RAP1GDS1: variants seen among roughly 807,000 people sequenced by gnomAD.
RAP1GDS1 encodes Rap1 GTPase-GDP dissociation stimulator 1.
In RAP1GDS1, 35 loss-of-function variants were observed where a neutral mutation model predicts 71.1. The ratio of observed to expected loss-of-function variants is 0.49; its 90% CI spans 0.38 to 0.65. The LOEUF (loss-of-function observed/expected upper bound fraction) is 0.65, where lower values mean the gene tolerates loss of function less well. Ranked by LOEUF, RAP1GDS1 falls within the 30% of genes least tolerant of loss-of-function variation. The pLI is 0.00. For synonymous variants in RAP1GDS1, 229 were observed against 243.1 expected, an observed-to-expected ratio of 0.94 and a Z score of 0.54; for missense variants, 663 against 706.1, an observed-to-expected ratio of 0.94 and a Z score of 0.69.
intron 1 of RAP1GDS1, among the ~76,000 whole-genome samples, chr4:98,287,078 A>G (rs1176474212): frequency 6.6e-6 from 1 of 152,108 alleles, no homozygotes; most frequent in Non-Finnish European, 1.5e-5. Flanking sequence ...TGCCAGTGCA[A>G]GTAACTCAAA....
At chr4:98,275,930 C>T (rs140217428) in intron 1 of RAP1GDS1, among the ~76,000 whole-genome samples, 1 of 152,288 alleles carries the variant, frequency 6.6e-6, no homozygotes, top group African/African-American at 2.4e-5. Flanking sequence ...GATGTTCTTT[C>T]CCCTGGCATC....
intron 14 of RAP1GDS1, among the ~76,000 whole-genome samples, chr4:98,437,674 T>C (rs1271942665): frequency 6.6e-6 from 1 of 151,668 alleles, no homozygotes; most frequent in African/African-American, 2.4e-5. Flanking sequence ...ACGCCTGTAG[T>C]CCCAGCTACT....
At chr4:98,339,788 C>G (rs920159308) in intron 2 of RAP1GDS1, among the ~76,000 whole-genome samples, 6 of 152,214 alleles carry the variant, frequency 3.9e-5, no homozygotes, top group African/African-American at 1.4e-4. Context: ...GCTGGAATAG[C>G]TATTATTAAA....
intron 1 of RAP1GDS1, among the ~76,000 whole-genome samples, chr4:98,266,417 G>A (rs530450150): frequency 6.6e-6 from 1 of 151,974 alleles, no homozygotes; most frequent in Admixed American, 6.6e-5. Context: ...TAGATTATAG[G>A]TATGCTTCTA....
At chr4:98,352,728 C>CCTG in intron 4 of RAP1GDS1, 127 bp downstream of exon 4, 1 of 862,878 alleles carries the variant, frequency 1.2e-6, no homozygotes, top group Admixed American at 3.5e-5. Context: ...TGATTCAGCA[C>CCTG]TGCTTATTTA....
intron 1 of RAP1GDS1, among the ~76,000 whole-genome samples, chr4:98,284,927 A>C (rs1371603157): frequency 6.6e-6 from 1 of 152,148 alleles, no homozygotes; most frequent in South Asian, 2.1e-4. Flanking sequence ...AGATCATGCC[A>C]GCTTCAGCCA....
At chr4:98,306,041 T>C (rs1485804915) in intron 2 of RAP1GDS1, among the ~76,000 whole-genome samples, 1 of 152,212 alleles carries the variant, frequency 6.6e-6, no homozygotes, top group Non-Finnish European at 1.5e-5. Flanking sequence ...GAATTTGTTC[T>C]GCTGTGTCTT....
intron 4 of RAP1GDS1, among the ~76,000 whole-genome samples, chr4:98,368,207 A>G (rs1268673070): frequency 6.6e-6 from 1 of 152,124 alleles, no homozygotes; most frequent in Non-Finnish European, 1.5e-5. Context: ...GCCTGCTGCC[A>G]TCCATGTAAG....
intron 14 of RAP1GDS1, 63 bp downstream of exon 14, chr4:98,437,131 G>A: frequency 7.1e-7 from 1 of 1,399,108 alleles, no homozygotes; most frequent in African/African-American, 1.5e-5. Context: ...ATTAAATATA[G>A]AGTAATAGTA....
chr4:98,279,018 C>T (rs750590838), intron 1 of RAP1GDS1, among the ~76,000 whole-genome samples: 5 of 152,040 alleles, frequency 3.3e-5, no homozygotes, highest in Non-Finnish European at 5.9e-5. Context: ...GTCAGGAGAT[C>T]GAGATCATCC....
intron 1 of RAP1GDS1, among the ~76,000 whole-genome samples, chr4:98,293,066 T>G (rs1727200684): frequency 6.6e-6 from 1 of 152,208 alleles, no homozygotes; most frequent in South Asian, 2.1e-4. Context: ...TGTAAAACTA[T>G]ATAATTTTTT....
At chr4:98,379,270 A>G in intron 5 of RAP1GDS1, 107 bp downstream of exon 5, 1 of 1,111,528 alleles carries the variant, frequency 9.0e-7, no homozygotes, top group Non-Finnish European at 1.2e-6. Context: ...AAGAATTCGT[A>G]AGTGGCATAT....
chr4:98,392,970 C>T (rs1277038652), intron 6 of RAP1GDS1, among the ~76,000 whole-genome samples: 1 of 152,150 alleles, frequency 6.6e-6, no homozygotes, highest in African/African-American at 2.4e-5. Context: ...GCACCTCCAC[C>T]TCTTCATTTT....
At chr4:98,288,428 T>C (rs1001623093) in intron 1 of RAP1GDS1, among the ~76,000 whole-genome samples, 6 of 152,218 alleles carry the variant, frequency 3.9e-5, no homozygotes, top group Non-Finnish European at 7.3e-5. Context: ...ATCCCGTCTA[T>C]CATTGTTGGA....
intron 2 of RAP1GDS1, among the ~76,000 whole-genome samples, chr4:98,306,197 T>C (rs1294743020): frequency 6.6e-6 from 1 of 152,206 alleles, no homozygotes; most frequent in Non-Finnish European, 1.5e-5. Context: ...TTTGTGCTGT[T>C]ATAACAGAAT....
At chr4:98,331,364 G>A (rs1733991468) in intron 2 of RAP1GDS1, among the ~76,000 whole-genome samples, 1 of 150,030 alleles carries the variant, frequency 6.7e-6, no homozygotes, top group South Asian at 2.1e-4. Context: ...GGGAGAGAGA[G>A]AGGGAGAGGG....
intron 1 of RAP1GDS1, among the ~76,000 whole-genome samples, chr4:98,272,797 G>A (rs965371308): frequency 6.6e-6 from 1 of 152,054 alleles, no homozygotes; most frequent in African/African-American, 2.4e-5. Context: ...CCACTTTTCA[G>A]TTGCCATATA....
intron 4 of RAP1GDS1, among the ~76,000 whole-genome samples, chr4:98,373,008 T>C (rs766730087): frequency 1.3e-5 from 2 of 152,214 alleles, no homozygotes; most frequent in African/African-American, 2.4e-5. Flanking sequence ...CTTTAGACAG[T>C]CAATTATCTT....
At chr4:98,300,794 T>G (rs1193998176) in intron 2 of RAP1GDS1, among the ~76,000 whole-genome samples, 1 of 152,188 alleles carries the variant, frequency 6.6e-6, no homozygotes, top group Non-Finnish European at 1.5e-5. Context: ...GTCACTTTAT[T>G]GAAGTGATTT....
Sources: allele counts gnomAD v4.1 joint callset (sites outside exome capture counted in the v4.1 genomes callset), GRCh38; gene constraint gnomAD v4.1.1; transcripts MANE v1.5; gene names NCBI Gene and HGNC (gene_info 2026-07-23, HGNC 2026-07-21).